PDE7A: variants seen among roughly 807,000 people sequenced by gnomAD.
PDE7A encodes the protein high affinity 3',5'-cyclic-AMP phosphodiesterase 7A.
PDE7A carries 39 observed loss-of-function variants against 64.3 expected under a neutral mutation model. The ratio of observed to expected loss-of-function variants is 0.61; its 90% CI spans 0.47 to 0.79. The LOEUF (loss-of-function observed/expected upper bound fraction) is 0.79. Ranked by LOEUF, PDE7A falls within the 30% of genes least tolerant of loss-of-function variation. PDE7A has a pLI of 0.00. For missense variants in PDE7A, 470 were observed against 582.8 expected, an observed-to-expected ratio of 0.81 and a Z score of 1.99; for synonymous variants, 203 against 206.8, an observed-to-expected ratio of 0.98 and a Z score of 0.16.
chr8:65,789,311 T>TG (rs1809639805), intron 1 of PDE7A, among the ~76,000 whole-genome samples: 2 of 152,264 alleles, frequency 1.3e-5, no homozygotes, highest in South Asian at 2.1e-4. Flanking sequence ...ACTAACAGAG[T>TG]GCCTTAAAAC....
At chr8:65,747,345 A>T (rs1461610025) in intron 4 of PDE7A, among the ~76,000 whole-genome samples, 1 of 152,192 alleles carries the variant, frequency 6.6e-6, no homozygotes, top group Non-Finnish European at 1.5e-5. Flanking sequence ...GGTAATCTCT[A>T]AGTCTTCCCA....
chr8:65,802,610 G>T (rs1206894676), intron 1 of PDE7A, among the ~76,000 whole-genome samples: 1 of 152,118 alleles, frequency 6.6e-6, no homozygotes, highest in African/African-American at 2.4e-5. Flanking sequence ...TTGTTACAAG[G>T]ATTAAAATAG....
intron 1 of PDE7A, among the ~76,000 whole-genome samples, chr8:65,812,473 T>C (rs566574208): frequency 5.3e-5 from 8 of 152,118 alleles, no homozygotes; most frequent in African/African-American, 1.7e-4. Context: ...GTAAAAGAAC[T>C]GTATAAGAAC....
intron 9 of PDE7A, among the ~76,000 whole-genome samples, chr8:65,726,466 GGA>G (rs1806616214): frequency 6.6e-6 from 1 of 151,968 alleles, no homozygotes; most frequent in Admixed American, 6.6e-5. Flanking sequence ...AAAACTTCTG[GGA>G]ACAGATTTTA....
rs867589115 is a variant in PDE7A at position 65,829,921 on chromosome 8, T to C, written c.138+11450A>G. On this transcript the variant is annotated intron_variant, in intron 1 of 12. Coordinates refer to ENST00000401827, the MANE Select transcript of PDE7A (RefSeq NM_001242318.3). ...GTAAACCAGCAGTCCACAAATTGGGTCATGTATACCCCTGGAAGCATATCA... is the reference window on the plus strand; with the variant it reads ...GTAAACCAGCAGTCCACAAATTGGGCCATGTATACCCCTGGAAGCATATCA... 5.3e-5 allele frequency among the ~76,000 whole-genome samples: 8 copies of C among 152,100 alleles called. No homozygotes were observed. The South Asian group carries it at 8.3e-4, about 16-fold the overall frequency.
chr8:65,727,801 T>C (rs571019589), intron 7 of PDE7A: 1 of 152,562 alleles, frequency 6.6e-6, no homozygotes, highest in East Asian at 1.9e-4. Context: ...TGAGTAATCA[T>C]GTTAAGTGGA....
chr8:65,760,890 T>C lies in PDE7A; in HGVS notation c.284-13087A>G, dbSNP rs527428188. On this transcript the variant is annotated intron_variant, in intron 3 of 12. Coordinates refer to ENST00000401827, the MANE Select transcript of PDE7A (RefSeq NM_001242318.3). ...AGAGGCCACTACAGAGAGGAAAGGA[T>C]ATCAAGCTGAATAATTAACATCATT... Among the ~76,000 whole-genome samples, 12 of 151,716 alleles carry C rather than the reference T, an allele frequency of 7.9e-5. No homozygotes were observed. The East Asian group carries it at 2.1e-3, about 27-fold the overall frequency.
In PDE7A at chr8:65,714,748, G is replaced by A. The variant is rs1327437739; in HGVS notation, c.*4542C>T. The A allele has an allele frequency of 1.3e-5, 2 of 152,148 alleles. No homozygotes were observed. The highest frequency in any genetic ancestry group is 1.9e-4 in the East Asian group (1 of 5,198). The allele number at this position is 152,148 out of a possible 1,614,324, so 9.4% of individuals were successfully genotyped here. ...CTTGAAAACACTGGAAATACCTGATGTGAGAGTTTTAAGAAAATAGAAAGT... is the reference window on the plus strand; with the variant it reads ...CTTGAAAACACTGGAAATACCTGATATGAGAGTTTTAAGAAAATAGAAAGT... On this transcript the variant is annotated 3_prime_UTR_variant, in exon 13 of 13. Transcript: ENST00000401827.
intron 1 of PDE7A, among the ~76,000 whole-genome samples, chr8:65,801,918 C>T (rs1809996722): frequency 6.6e-6 from 1 of 152,144 alleles, no homozygotes; most frequent in African/African-American, 2.4e-5. Flanking sequence ...GGACATGAAG[C>T]CTTCTGTATT....
At chr8:65,735,911 C>A (rs1053928539) in intron 6 of PDE7A, among the ~76,000 whole-genome samples, 3 of 152,170 alleles carry the variant, frequency 2.0e-5, no homozygotes, top group Admixed American at 6.5e-5. Flanking sequence ...AGGTATGAGC[C>A]ACCATGCCCG....
At chr8:65,746,269 G>A (rs2128905937) in intron 4 of PDE7A, among the ~76,000 whole-genome samples, 1 of 152,032 alleles carries the variant, frequency 6.6e-6, no homozygotes, top group South Asian at 2.1e-4. Context: ...TAGGGACGTA[G>A]AAACAAGCAA....
intron 4 of PDE7A, among the ~76,000 whole-genome samples, chr8:65,746,071 C>T (rs1433845127): frequency 6.6e-6 from 1 of 151,768 alleles, no homozygotes; most frequent in Non-Finnish European, 1.5e-5. Flanking sequence ...GCTGGGACTA[C>T]AAGCATGTGT....
Position 65,719,511 on chromosome 8 carries a change from G to T in PDE7A, c.1244-16C>A. 2 of 1,535,306 alleles carry T rather than the reference G, an allele frequency of 1.3e-6. No homozygotes were observed. The highest frequency in any genetic ancestry group is 2.2e-5 in the South Asian group (2 of 89,376). On this transcript the variant is annotated splice_polypyrimidine_tract_variant and intron_variant, in intron 12 of 12. Transcript: ENST00000401827. ...GTCATAAAACCTTGAGAAAATAGGA[G>T]AAAAAGTTATTAACATATATGCTGA...
Position 65,781,781 on chromosome 8 carries a change from T to C in PDE7A, c.199+1002A>G, listed in dbSNP as rs189582181. 2.0e-5 allele frequency among the ~76,000 whole-genome samples: 3 copies of C among 152,302 alleles called. No individual in the cohort carries two copies. The East Asian group carries it at 5.8e-4, about 29-fold the overall frequency. On this transcript the variant is annotated intron_variant, in intron 2 of 12. Transcript: ENST00000401827. ...ATCCATAACATTTACATGGAGATGT[T>C]CTACAGAGTTAAAGAAAATATGAAT...
In PDE7A at chr8:65,715,234, C is replaced by T. The variant is rs1167190043; in HGVS notation, c.*4056G>A. 6.6e-6 allele frequency among the ~76,000 whole-genome samples: 1 copy of T among 151,892 alleles called. No individual in the cohort carries two copies. The highest frequency in any genetic ancestry group is 1.5e-5 in the Non-Finnish European group (1 of 67,984). On this transcript the variant is annotated 3_prime_UTR_variant, in exon 13 of 13. Coordinates refer to ENST00000401827, the MANE Select transcript of PDE7A (RefSeq NM_001242318.3). Reference sequence around the variant, plus strand: ...AAAAAAATATTCCAGTAATATAGGTCGTATTTAAGTGGAGCTATAGGCCTG... The same window carrying T: ...AAAAAAATATTCCAGTAATATAGGTTGTATTTAAGTGGAGCTATAGGCCTG...
At chr8:65,731,010 T>C (rs1806862591) in intron 7 of PDE7A, among the ~76,000 whole-genome samples, 2 of 152,206 alleles carry the variant, frequency 1.3e-5, no homozygotes, top group Admixed American at 6.5e-5. Flanking sequence ...TACAATATCA[T>C]TCATTAACAG....
At chr8:65,809,423 CTTTT>C (rs886512135) in intron 1 of PDE7A, among the ~76,000 whole-genome samples, 2 of 152,138 alleles carry the variant, frequency 1.3e-5, no homozygotes, top group Non-Finnish European at 2.9e-5. Context: ...CTGCATTACT[CTTTT>C]TAAGTTACCT....
chr8:65,816,999 T>C (rs1810423611), intron 1 of PDE7A, among the ~76,000 whole-genome samples: 1 of 152,232 alleles, frequency 6.6e-6, no homozygotes, highest in African/African-American at 2.4e-5. Flanking sequence ...TGTTCAATTT[T>C]CTTCCATCCT....
intron 1 of PDE7A, among the ~76,000 whole-genome samples, chr8:65,814,902 T>C (rs1396030109): frequency 6.6e-6 from 1 of 151,958 alleles, no homozygotes; most frequent in Non-Finnish European, 1.5e-5. Flanking sequence ...GCCAACATGG[T>C]GAAACCCCGT....
Sources: gnomAD v4.1 joint callset for allele counts (sites outside exome capture counted in the v4.1 genomes callset) on GRCh38, gnomAD v4.1.1 for gene constraint, MANE v1.5 for transcripts, NCBI Gene and HGNC (gene_info 2026-07-23, HGNC 2026-07-21) for gene names.